The following TMEM108 variants were observed in gnomAD, a reference collection of about 807,000 sequenced individuals.
TMEM108 encodes the protein cancer/testis antigen 124.
A neutral mutation model predicts 35.1 loss-of-function variants in TMEM108; 12 were observed. That is an observed-to-expected ratio of 0.34 (90% CI 0.22 to 0.55). TMEM108 has a LOEUF of 0.55. Ranked by LOEUF, TMEM108 falls within the 20% of genes least tolerant of loss-of-function variation. The pLI is 0.89. For missense variants in TMEM108, 680 were observed against 753.3 expected, an observed-to-expected ratio of 0.90 and a Z score of 1.14; for synonymous variants, 287 against 308.6, an observed-to-expected ratio of 0.93 and a Z score of 0.73.
chr3:133,183,650 G>C (rs1945379446), intron 2 of TMEM108, among the ~76,000 whole-genome samples: 5 of 152,110 alleles, frequency 3.3e-5, no homozygotes, highest in African/African-American at 1.2e-4. Context: ...TGGGAGACTG[G>C]GGAATTCAGG....
intron 2 of TMEM108, among the ~76,000 whole-genome samples, chr3:133,128,952 T>C (rs1323593480): frequency 6.6e-6 from 1 of 152,190 alleles, no homozygotes; most frequent in African/African-American, 2.4e-5. Flanking sequence ...ACACCTAAAA[T>C]CCATAGGTTA....
At chr3:133,158,465 TAA>T (rs11328701) in intron 2 of TMEM108, among the ~76,000 whole-genome samples, 2,317 of 80,644 alleles carry the variant, frequency 0.029, 23 homozygotes, top group South Asian at 0.073. Flanking sequence ...AGACTCTGTC[TAA>T]AAAAAAAAAA....
chr3:133,260,902 G>T (rs1000378530), intron 3 of TMEM108, among the ~76,000 whole-genome samples: 28 of 152,178 alleles, frequency 1.8e-4, no homozygotes, highest in African/African-American at 6.8e-4. Flanking sequence ...ATTCGTTCAT[G>T]AATTGGATGA....
At chr3:133,253,336 T>C (rs999901582) in intron 3 of TMEM108, 4 of 152,222 alleles carry the variant, frequency 2.6e-5, no homozygotes, top group African/African-American at 9.6e-5. Flanking sequence ...AGTTTACCCA[T>C]TTATAAGAAG....
At chr3:133,308,773 T>C (rs2107709494) in intron 3 of TMEM108, among the ~76,000 whole-genome samples, 1 of 152,364 alleles carries the variant, frequency 6.6e-6, no homozygotes, top group East Asian at 1.9e-4. Context: ...CAGTATTTTA[T>C]TGAGGATTTT....
At chr3:133,288,468 G>A (rs1199913483) in intron 3 of TMEM108, among the ~76,000 whole-genome samples, 1 of 152,084 alleles carries the variant, frequency 6.6e-6, no homozygotes, top group Admixed American at 6.6e-5. Flanking sequence ...TGTTCTCCAT[G>A]GGGGGGTGAA....
intron 2 of TMEM108, among the ~76,000 whole-genome samples, chr3:133,156,328 C>T (rs1944881558): frequency 1.3e-5 from 2 of 152,070 alleles, no homozygotes; most frequent in African/African-American, 4.8e-5. Context: ...CTTCAGGAAG[C>T]ACAGAATTTA....
At chr3:133,163,293 G>T (rs1944987734) in intron 2 of TMEM108, among the ~76,000 whole-genome samples, 1 of 152,066 alleles carries the variant, frequency 6.6e-6, no homozygotes, top group South Asian at 2.1e-4. Flanking sequence ...TTATATACTG[G>T]CCATTGTCTT....
chr3:133,107,941 G>A (rs1944176022), intron 2 of TMEM108, among the ~76,000 whole-genome samples: 1 of 152,120 alleles, frequency 6.6e-6, no homozygotes, highest in African/African-American at 2.4e-5. Flanking sequence ...CTATAAAAAT[G>A]TTGTTTATAG....
At chr3:133,075,598 G>A (rs1298925811) in intron 2 of TMEM108, among the ~76,000 whole-genome samples, 1 of 152,050 alleles carries the variant, frequency 6.6e-6, no homozygotes, top group Non-Finnish European at 1.5e-5. Flanking sequence ...CTCCTCCTTA[G>A]CACATCCCCG....
intron 3 of TMEM108, among the ~76,000 whole-genome samples, chr3:133,321,785 ACAAATCT>A (rs765482121): frequency 6.6e-6 from 1 of 152,198 alleles, no homozygotes; most frequent in Non-Finnish European, 1.5e-5. Context: ...AGGCCACAAA[ACAAATCT>A]CAATGAATTG....
intron 2 of TMEM108, among the ~76,000 whole-genome samples, chr3:133,154,191 C>T (rs7630084): frequency 0.5 from 75,834 of 151,386 alleles, 19,271 homozygotes; most frequent in Admixed American, 0.53. Flanking sequence ...GGGTATTAGC[C>T]CTTTGTCAGA....
chr3:133,153,495 A>G (rs543516008), intron 2 of TMEM108, among the ~76,000 whole-genome samples: 1 of 152,310 alleles, frequency 6.6e-6, no homozygotes, highest in South Asian at 2.1e-4. Flanking sequence ...TGAGAAATTA[A>G]GTAGCATGCC....
At chr3:133,216,469 C>A (rs542487375) in intron 2 of TMEM108, among the ~76,000 whole-genome samples, 1 of 152,076 alleles carries the variant, frequency 6.6e-6, no homozygotes, top group Non-Finnish European at 1.5e-5. Context: ...CACTTAAAAT[C>A]TACTCTTAGT....
intron 3 of TMEM108, among the ~76,000 whole-genome samples, chr3:133,311,695 CT>C: frequency 6.6e-6 from 1 of 152,238 alleles, no homozygotes; most frequent in Admixed American, 6.5e-5. Context: ...TACCAACCTT[CT>C]GAAGCCTACT....
chr3:133,218,629 A>T (rs1945943658), intron 2 of TMEM108, among the ~76,000 whole-genome samples: 1 of 151,956 alleles, frequency 6.6e-6, no homozygotes, highest in African/African-American at 2.4e-5. Flanking sequence ...AATTTTTTCA[A>T]ACGGTTTGAC....
At chr3:133,103,527 C>A (rs1228514725) in intron 2 of TMEM108, among the ~76,000 whole-genome samples, 1 of 151,980 alleles carries the variant, frequency 6.6e-6, no homozygotes, top group East Asian at 1.9e-4. Flanking sequence ...TACAACAACC[C>A]CCCATGATAC....
At chr3:133,344,548 C>T (rs116227755) in intron 3 of TMEM108, among the ~76,000 whole-genome samples, 1 of 150,734 alleles carries the variant, frequency 6.6e-6, no homozygotes, top group African/African-American at 2.4e-5. Flanking sequence ...CCTATTAATT[C>T]AGCCCAAAAA....
At chr3:133,050,155 G>A (rs1943386315) in intron 2 of TMEM108, among the ~76,000 whole-genome samples, 1 of 152,166 alleles carries the variant, frequency 6.6e-6, no homozygotes, top group African/African-American at 2.4e-5. Context: ...GTGCATAGGA[G>A]AGGGAATAGG....
Sources: allele counts gnomAD v4.1 joint callset (sites outside exome capture counted in the v4.1 genomes callset), GRCh38; gene constraint gnomAD v4.1.1; transcripts MANE v1.5; gene names NCBI Gene and HGNC (gene_info 2026-07-23, HGNC 2026-07-21).